Variants in SYN3 observed in about 807,000 individuals in gnomAD.
SYN3 encodes synapsin III.
SYN3 carries 35 observed loss-of-function variants against 65.8 expected under a neutral mutation model. That is an observed-to-expected ratio of 0.53 (90% CI 0.41 to 0.70). The LOEUF is 0.70. Among genes scored for constraint, SYN3 ranks in the 30% least tolerant of loss-of-function variants. The pLI, the probability that SYN3 is intolerant of heterozygous loss-of-function variation, is 0.00. For missense variants in SYN3, 680 were observed against 749.0 expected (o/e 0.91, Z 1.08); for synonymous variants, 270 against 292.9 (o/e 0.92, Z 0.80).
chr22:33,035,910 T>C lies in SYN3; in HGVS notation c.-163+22382A>G, dbSNP rs561986320. Among the ~76,000 whole-genome samples, 12 of 152,278 alleles carry C rather than the reference T, an allele frequency of 7.9e-5. No individual in the cohort carries two copies. The East Asian group carries it at 2.3e-3, about 29-fold the overall frequency. On this transcript the variant is annotated intron_variant, in intron 1 of 13. Transcript: ENST00000358763. ...GTCTAGCTCTGATTCTACATTATAA[T>C]AAGCTAATAACGTTGACTATAAGCT...
intron 7 of SYN3, among the ~76,000 whole-genome samples, chr22:32,577,907 C>T (rs1018978353): frequency 6.6e-6 from 1 of 152,238 alleles, no homozygotes; most frequent in Non-Finnish European, 1.5e-5. Flanking sequence ...CTGCCTCTTA[C>T]TTGGTGTCTT....
chr22:33,031,688 C>A (rs182030383), intron 1 of SYN3, among the ~76,000 whole-genome samples: 3 of 152,136 alleles, frequency 2.0e-5, no homozygotes, highest in Admixed American at 2.0e-4. Flanking sequence ...AATAAGCCAA[C>A]CCCATTCCCC....
At chr22:32,802,039 G>T in intron 6 of SYN3, 1 of 1,576,354 alleles carries the variant, frequency 6.3e-7, no homozygotes. Context: ...CTCCTGGGCA[G>T]CTGGAGCCTG....
chr22:32,734,637 G>A (rs2061314989), intron 6 of SYN3, among the ~76,000 whole-genome samples: 2 of 152,164 alleles, frequency 1.3e-5, no homozygotes, highest in Non-Finnish European at 2.9e-5. Flanking sequence ...GGATAAAGAC[G>A]ACACACAGAG....
chr22:32,515,471 T>C (rs1348748211), intron 13 of SYN3, among the ~76,000 whole-genome samples: 1 of 152,200 alleles, frequency 6.6e-6, no homozygotes, highest in Non-Finnish European at 1.5e-5. Flanking sequence ...TTTTAAGTGG[T>C]GGAGCTAGGA....
chr22:32,818,487 G>A (rs2047147095), intron 6 of SYN3, among the ~76,000 whole-genome samples: 1 of 152,148 alleles, frequency 6.6e-6, no homozygotes, highest in Non-Finnish European at 1.5e-5. Context: ...TGAGTCCTCT[G>A]GATGAAGTTA....
chr22:32,528,802 G>T, intron 11 of SYN3, 72 bp downstream of exon 11: 1 of 1,595,216 alleles, frequency 6.3e-7, no homozygotes. Flanking sequence ...TTTGGATCCA[G>T]GGGCTCCCCA....
At chr22:32,987,172 C>G (rs1171313671) in intron 2 of SYN3, among the ~76,000 whole-genome samples, 1 of 152,100 alleles carries the variant, frequency 6.6e-6, no homozygotes, top group Non-Finnish European at 1.5e-5. Context: ...ACAGCTGTCT[C>G]TCCGCAGGCC....
intron 3 of SYN3, among the ~76,000 whole-genome samples, chr22:32,971,643 G>C (rs137886395): frequency 3.9e-4 from 59 of 152,168 alleles, no homozygotes; most frequent in Admixed American, 3.3e-3. Context: ...CACGGGTCAC[G>C]TACAGTCCTA....
intron 7 of SYN3, among the ~76,000 whole-genome samples, chr22:32,580,691 A>C (rs971880906): frequency 4.6e-5 from 7 of 152,208 alleles, no homozygotes; most frequent in Non-Finnish European, 1.0e-4. Context: ...AGTGTCCATG[A>C]GTAGAGTTCC....
intron 6 of SYN3, among the ~76,000 whole-genome samples, chr22:32,804,066 C>G (rs866832433): frequency 6.6e-6 from 1 of 152,128 alleles, no homozygotes; most frequent in Admixed American, 6.5e-5. Flanking sequence ...AGAAATAGCT[C>G]CCTCGCTCCT....
intron 4 of SYN3, among the ~76,000 whole-genome samples, chr22:32,912,870 G>T (rs557673188): frequency 6.6e-6 from 1 of 152,286 alleles, no homozygotes; most frequent in East Asian, 1.9e-4. Context: ...GTGGAATGCG[G>T]GATGTTTAGG....
At chr22:33,012,482 C>T (rs748808722) in intron 1 of SYN3, among the ~76,000 whole-genome samples, 1 of 152,194 alleles carries the variant, frequency 6.6e-6, no homozygotes, top group Non-Finnish European at 1.5e-5. Context: ...TTTGTGGTTG[C>T]TGGGTGTAAT....
chr22:32,869,689 G>GTTTT (rs1288480674), intron 4 of SYN3, among the ~76,000 whole-genome samples: 3 of 118,444 alleles, frequency 2.5e-5, no homozygotes, highest in Non-Finnish European at 3.4e-5. Flanking sequence ...AACACATCTT[G>GTTTT]GTTTTTTTTT....
chr22:32,980,077 A>G (rs1434834842), intron 3 of SYN3, among the ~76,000 whole-genome samples: 2 of 152,200 alleles, frequency 1.3e-5, no homozygotes, highest in Non-Finnish European at 2.9e-5. Flanking sequence ...TTCTTTCCAC[A>G]TAAAATGAGG....
At chr22:32,972,255 A>C (rs1435596001) in intron 3 of SYN3, among the ~76,000 whole-genome samples, 1 of 152,228 alleles carries the variant, frequency 6.6e-6, no homozygotes, top group South Asian at 2.1e-4. Flanking sequence ...TAATAGTAAA[A>C]TTATGGAAAA....
At chr22:32,603,356 C>CAAAAAA (rs10670581) in intron 6 of SYN3, among the ~76,000 whole-genome samples, 4,487 of 125,764 alleles carry the variant, frequency 0.036, 111 homozygotes, top group Non-Finnish European at 0.05. Context: ...ACTAAAAATA[C>CAAAAAA]AAAAAAAAAA....
rs2059202846 is a variant in SYN3 at position 32,596,558 on chromosome 22, A to C, written c.774+116T>G. On this transcript the variant is annotated intron_variant, in intron 7 of 13. Coordinates refer to ENST00000358763, the MANE Select transcript of SYN3 (RefSeq NM_003490.4). ...AGATGTACTATGGATTCTTTCTAAC[A>C]CTCTGTTCTGGGTGCCTGTGCTAAG... 3 of 1,019,082 alleles carry C rather than the reference A, an allele frequency of 2.9e-6. No homozygotes were observed. The South Asian group carries it at 4.6e-5, about 16-fold the overall frequency. The allele number at this position is 1,019,082 out of a possible 1,614,324, so 63.1% of individuals were successfully genotyped here.
At chr22:32,667,219 T>A (rs907951364) in intron 6 of SYN3, among the ~76,000 whole-genome samples, 66 of 152,062 alleles carry the variant, frequency 4.3e-4, no homozygotes, top group African/African-American at 1.5e-3. Flanking sequence ...CCTTTCTTTC[T>A]TCTCCATTCC....
Sources: allele counts gnomAD v4.1 joint callset (sites outside exome capture counted in the v4.1 genomes callset), GRCh38; gene constraint gnomAD v4.1.1; transcripts MANE v1.5; gene names NCBI Gene and HGNC (gene_info 2026-07-23, HGNC 2026-07-21).